Variants in CXCL13 observed in about 807,000 individuals in gnomAD.
CXCL13 encodes C-X-C motif chemokine ligand 13.
A neutral mutation model predicts 12.2 loss-of-function variants in CXCL13; 7 were observed. That is an observed-to-expected ratio of 0.57 (90% CI 0.33 to 1.07). CXCL13 has a LOEUF of 1.07. Ranked by LOEUF, CXCL13 falls within the 50% of genes least tolerant of loss-of-function variation. The pLI is 0.04. For synonymous variants in CXCL13, 47 were observed against 42.4 expected, an observed-to-expected ratio of 1.11 and a Z score of -0.42; for missense variants, 113 against 127.4, an observed-to-expected ratio of 0.89 and a Z score of 0.55.
intron 1 of CXCL13, among the ~76,000 whole-genome samples, chr4:77,582,928 C>A (rs1386256492): frequency 6.6e-6 from 1 of 152,070 alleles, no homozygotes; most frequent in East Asian, 1.9e-4. Context: ...AATTTCAAGG[C>A]TTTCCTCCAT....
chr4:77,552,808 A>T (rs1268833708), intron 1 of CXCL13, among the ~76,000 whole-genome samples: 1 of 152,214 alleles, frequency 6.6e-6, no homozygotes, highest in Non-Finnish European at 1.5e-5. Flanking sequence ...AGGTGCCTGG[A>T]GATCTGCCTG....
At chr4:77,551,893 A>G (rs1725532200) in intron 1 of CXCL13, among the ~76,000 whole-genome samples, 1 of 152,052 alleles carries the variant, frequency 6.6e-6, no homozygotes, top group African/African-American at 2.4e-5. Flanking sequence ...AAAGCTTTCC[A>G]TTGTATTTTG....
chr4:77,541,217 G>C (rs2109801004), intron 1 of CXCL13, among the ~76,000 whole-genome samples: 1 of 152,216 alleles, frequency 6.6e-6, no homozygotes, highest in Non-Finnish European at 1.5e-5. Context: ...TGTTTACTCT[G>C]TTGTTAGTTT....
intron 1 of CXCL13, among the ~76,000 whole-genome samples, chr4:77,594,364 G>A (rs1379559745): frequency 6.6e-6 from 1 of 152,104 alleles, no homozygotes; most frequent in Non-Finnish European, 1.5e-5. Flanking sequence ...CACTTATCTG[G>A]AGTACAGATC....
chr4:77,546,405 ATTATC>A (rs1725364923), intron 1 of CXCL13, among the ~76,000 whole-genome samples: 2 of 152,274 alleles, frequency 1.3e-5, no homozygotes, highest in South Asian at 4.1e-4. Flanking sequence ...TAGGCTATTA[ATTATC>A]ACCTCAATTT....
chr4:77,565,631 G>A (rs1314828138), intron 1 of CXCL13, among the ~76,000 whole-genome samples: 4 of 152,108 alleles, frequency 2.6e-5, no homozygotes, highest in Non-Finnish European at 4.4e-5. Flanking sequence ...CTGCTTTCCT[G>A]CAGCAACCAA....
At chr4:77,577,451 C>A (rs1047342059) in intron 1 of CXCL13, among the ~76,000 whole-genome samples, 3 of 152,028 alleles carry the variant, frequency 2.0e-5, no homozygotes, top group Non-Finnish European at 2.9e-5. Context: ...CGGAGGCAGA[C>A]AATAATGGAA....
chr4:77,558,969 A>C (rs1274305391), intron 1 of CXCL13, among the ~76,000 whole-genome samples: 1 of 152,196 alleles, frequency 6.6e-6, no homozygotes, highest in African/African-American at 2.4e-5. Flanking sequence ...AGCTTGGTGA[A>C]GCCACCCGAT....
chr4:77,540,547 C>A (rs951974951), intron 1 of CXCL13, among the ~76,000 whole-genome samples: 2 of 152,094 alleles, frequency 1.3e-5, no homozygotes, highest in Non-Finnish European at 2.9e-5. Context: ...CTGTGTTAAT[C>A]TACTTAGGAT....
At chr4:77,528,928 T>C (rs919206038) in intron 1 of CXCL13, among the ~76,000 whole-genome samples, 1 of 152,260 alleles carries the variant, frequency 6.6e-6, no homozygotes, top group African/African-American at 2.4e-5. Flanking sequence ...CATTTAAGTC[T>C]TTAATCCATC....
In CXCL13 at chr4:77,611,016, G is replaced by T; in HGVS notation, c.307G>T (p.Val103Leu). Reference protein sequence around the residue: ...KRSSSTLPVPVFKRKIP With the variant: ...KRSSSTLPVPLFKRKIP ...AAGTTCTTCAACTCTACCAGTTCCA[G>T]TGTTTAAGAGAAAGATTCCCTGATG... The change falls in exon 4 of 4, where the codon GTG becomes TTG. Residue 103 changes from valine to leucine, a missense_variant. Val to Leu is a conservative substitution (Grantham distance 32). Transcript: ENST00000682537. 1 of 1,611,362 alleles carries T rather than the reference G, an allele frequency of 6.2e-7. No homozygotes were observed. The highest frequency in any genetic ancestry group is 8.5e-7 in the Non-Finnish European group (1 of 1,179,606).
chr4:77,542,332 G>A (rs1403936539), intron 1 of CXCL13, among the ~76,000 whole-genome samples: 2 of 152,106 alleles, frequency 1.3e-5, no homozygotes, highest in Non-Finnish European at 2.9e-5. Context: ...TCAGTATAAT[G>A]TTGGCTACGG....
At chr4:77,529,902 G>C (rs942140579) in intron 1 of CXCL13, among the ~76,000 whole-genome samples, 3 of 152,126 alleles carry the variant, frequency 2.0e-5, no homozygotes, top group Admixed American at 6.5e-5. Flanking sequence ...GTATGATATT[G>C]GTTGTGAGTT....
intron 1 of CXCL13, among the ~76,000 whole-genome samples, chr4:77,527,636 A>T (rs79957179): frequency 3.4e-5 from 5 of 145,362 alleles, no homozygotes; most frequent in African/African-American, 1.0e-4. Flanking sequence ...AGTCTCAGAT[A>T]AAAAAAAAAG....
At chr4:77,569,661 G>T (rs761468703) in intron 1 of CXCL13, among the ~76,000 whole-genome samples, 1 of 152,264 alleles carries the variant, frequency 6.6e-6, no homozygotes, top group African/African-American at 2.4e-5. Flanking sequence ...TCAGGCTCAC[G>T]GATAGGAAGA....
chr4:77,582,951 CAAG>C (rs1158653953), intron 1 of CXCL13, among the ~76,000 whole-genome samples: 1 of 152,144 alleles, frequency 6.6e-6, no homozygotes, highest in Non-Finnish European at 1.5e-5. Flanking sequence ...CCTCCAAATT[CAAG>C]AAGAAGGTAC....
intron 1 of CXCL13, among the ~76,000 whole-genome samples, chr4:77,607,014 CCAGA>C (rs1727015278): frequency 6.6e-6 from 1 of 152,028 alleles, no homozygotes; most frequent in African/African-American, 2.4e-5. Context: ...GATTTGCAAC[CCAGA>C]CAGAGGACCA....
At chr4:77,516,795 G>A (rs9760774) in intron 1 of CXCL13, among the ~76,000 whole-genome samples, 9,571 of 151,922 alleles carry the variant, frequency 0.063, 829 homozygotes, top group African/African-American at 0.2. Context: ...GGGTTTTTGT[G>A]TCTCTATTTC....
intron 1 of CXCL13, among the ~76,000 whole-genome samples, chr4:77,542,697 C>T (rs964742960): frequency 2.0e-5 from 3 of 152,192 alleles, no homozygotes; most frequent in Non-Finnish European, 2.9e-5. Flanking sequence ...ACAAATCTTG[C>T]ATCCCAGGAA....
Sources: gnomAD v4.1 joint callset for allele counts (sites outside exome capture counted in the v4.1 genomes callset) on GRCh38, gnomAD v4.1.1 for gene constraint, MANE v1.5 for transcripts, NCBI Gene and HGNC (gene_info 2026-07-23, HGNC 2026-07-21) for gene names.